The following NKAIN3 variants were observed in gnomAD, a reference collection of about 807,000 sequenced individuals.
NKAIN3 encodes the protein sodium/potassium transporting ATPase interacting 3, also known as sodium/potassium-transporting ATPase subunit beta-1-interacting protein 3.
A neutral mutation model predicts 30.2 loss-of-function variants in NKAIN3; 25 were observed. That is an observed-to-expected ratio of 0.83 (90% CI 0.60 to 1.16). The LOEUF (loss-of-function observed/expected upper bound fraction) is 1.16, where lower values mean the gene tolerates loss of function less well. Among genes scored for constraint, NKAIN3 ranks in the 50% most tolerant of loss-of-function variants. The pLI is 0.00. For synonymous variants in NKAIN3, 91 were observed against 89.6 expected (o/e 1.02, Z -0.09); for missense variants, 225 against 254.1 (o/e 0.89, Z 0.78).
At chr8:62,409,477 C>T (rs902403239) in intron 1 of NKAIN3, among the ~76,000 whole-genome samples, 1 of 152,096 alleles carries the variant, frequency 6.6e-6, no homozygotes, top group African/African-American at 2.4e-5. Context: ...AACCACTGTG[C>T]CTGGCATATA....
intron 1 of NKAIN3, among the ~76,000 whole-genome samples, chr8:62,471,200 A>G (rs1367165165): frequency 6.6e-6 from 1 of 152,144 alleles, no homozygotes; most frequent in African/African-American, 2.4e-5. Flanking sequence ...ATAAACATGC[A>G]TGAAAATGAT....
chr8:62,893,717 T>C (rs1487523532), intron 4 of NKAIN3, among the ~76,000 whole-genome samples: 3 of 152,150 alleles, frequency 2.0e-5, no homozygotes, highest in Non-Finnish European at 4.4e-5. Flanking sequence ...CAAGGATATA[T>C]ATAACTGGGA....
At chr8:62,850,313 T>C (rs1263705885) in intron 4 of NKAIN3, among the ~76,000 whole-genome samples, 1 of 152,140 alleles carries the variant, frequency 6.6e-6, no homozygotes, top group Non-Finnish European at 1.5e-5. Flanking sequence ...TTTGTTTTTT[T>C]CTTGTAAATT....
At chr8:62,357,730 C>G (rs13256960) in intron 1 of NKAIN3, among the ~76,000 whole-genome samples, 2 of 152,074 alleles carry the variant, frequency 1.3e-5, no homozygotes, top group African/African-American at 4.8e-5. Context: ...CCTTTGACCT[C>G]TCCTGAGCCC....
chr8:62,604,000 T>C (rs1232228316), intron 3 of NKAIN3, among the ~76,000 whole-genome samples: 1 of 152,124 alleles, frequency 6.6e-6, no homozygotes, highest in Admixed American at 6.5e-5. Context: ...CCCTTTGGTA[T>C]GAAGTTCCTA....
intron 4 of NKAIN3, among the ~76,000 whole-genome samples, chr8:62,827,342 G>A (rs561659845): frequency 6.6e-6 from 1 of 152,248 alleles, no homozygotes; most frequent in African/African-American, 2.4e-5. Context: ...CTTCTCTGCA[G>A]TTTATATGTC....
chr8:62,837,582 A>G (rs1487192448), intron 4 of NKAIN3, among the ~76,000 whole-genome samples: 1 of 152,134 alleles, frequency 6.6e-6, no homozygotes, highest in Non-Finnish European at 1.5e-5. Flanking sequence ...ACAGCATGGT[A>G]TTTCTATTTC....
At chr8:62,464,116 A>G (rs549209988) in intron 1 of NKAIN3, among the ~76,000 whole-genome samples, 36 of 152,322 alleles carry the variant, frequency 2.4e-4, no homozygotes, top group Admixed American at 9.8e-4. Context: ...ATGTACCTTG[A>G]TATTGTTAAG....
At chr8:62,987,744 C>A (rs550150638), downstream of NKAIN3, among the ~76,000 whole-genome samples, 3 of 152,222 alleles carry the variant, frequency 2.0e-5, no homozygotes, top group South Asian at 4.2e-4. Flanking sequence ...CAAACCATAT[C>A]ATTCTGCCGC....
intron 4 of NKAIN3, among the ~76,000 whole-genome samples, chr8:62,885,937 A>C (rs906905891): frequency 6.6e-6 from 1 of 152,148 alleles, no homozygotes; most frequent in African/African-American, 2.4e-5. Flanking sequence ...ATCCACTCTG[A>C]CAACCTCTGT....
At chr8:62,412,999 C>A (rs903208995) in intron 1 of NKAIN3, among the ~76,000 whole-genome samples, 1 of 150,232 alleles carries the variant, frequency 6.7e-6, no homozygotes, top group Non-Finnish European at 1.5e-5. Context: ...TGAACAGAAA[C>A]TTCTCTAAAG....
chr8:62,760,538 A>G (rs183661509), intron 4 of NKAIN3, among the ~76,000 whole-genome samples: 5 of 151,458 alleles, frequency 3.3e-5, no homozygotes, highest in African/African-American at 1.2e-4. Context: ...AAAAAACCAA[A>G]CACCACATGT....
At chr8:62,738,525 G>A (rs539048226) in intron 3 of NKAIN3, among the ~76,000 whole-genome samples, 2 of 149,810 alleles carry the variant, frequency 1.3e-5, no homozygotes, top group South Asian at 4.2e-4. Context: ...CTTGGACCTA[G>A]GAGGCATAGG....
At chr8:62,694,213 C>A (rs1814081246) in intron 3 of NKAIN3, among the ~76,000 whole-genome samples, 1 of 152,058 alleles carries the variant, frequency 6.6e-6, no homozygotes, top group African/African-American at 2.4e-5. Flanking sequence ...CCCCATTAAC[C>A]AAATTCTCCT....
intron 4 of NKAIN3, among the ~76,000 whole-genome samples, chr8:62,839,160 G>T (rs1017462850): frequency 6.6e-6 from 1 of 151,920 alleles, no homozygotes; most frequent in Non-Finnish European, 1.5e-5. Context: ...TCCTTCTAAA[G>T]ACATAACAAC....
rs370257885 is a variant in NKAIN3, at chr8:62,801,185, G to A, written c.471+54056G>A. On this transcript the variant is annotated intron_variant, in intron 4 of 6. Transcript: ENST00000623646. ...GCCTCTGTAGGCTCCACCTCTGGGGGCAGGGCACAGAAAAACAAAAAGACA... is the reference window on the plus strand; with the variant it reads ...GCCTCTGTAGGCTCCACCTCTGGGGACAGGGCACAGAAAAACAAAAAGACA... Among the ~76,000 whole-genome samples, 3 of 152,332 alleles carry A rather than the reference G, an allele frequency of 2.0e-5. No individual in the cohort carries two copies. In the East Asian group the frequency reaches 5.8e-4, roughly 29 times the overall value.
At chr8:62,281,477 A>G (rs565675859) in intron 1 of NKAIN3, among the ~76,000 whole-genome samples, 106 of 152,238 alleles carry the variant, frequency 7.0e-4, no homozygotes, top group African/African-American at 2.4e-3. Flanking sequence ...TAGGGTGTCA[A>G]TTTTAGATCT....
intron 1 of NKAIN3, among the ~76,000 whole-genome samples, chr8:62,436,425 G>A (rs1266469403): frequency 1.3e-5 from 2 of 152,206 alleles, no homozygotes; most frequent in African/African-American, 4.8e-5. Context: ...TTATTTAATA[G>A]TGCTTAACAT....
chr8:62,390,429 C>A (rs943836166), intron 1 of NKAIN3, among the ~76,000 whole-genome samples: 7 of 152,130 alleles, frequency 4.6e-5, no homozygotes, highest in Non-Finnish European at 8.8e-5. Context: ...ACAACATTTT[C>A]TTTATCCAGT....
Sources: allele counts gnomAD v4.1 joint callset (sites outside exome capture counted in the v4.1 genomes callset), GRCh38; gene constraint gnomAD v4.1.1; transcripts MANE v1.5; gene names NCBI Gene and HGNC (gene_info 2026-07-23, HGNC 2026-07-21).